The following APPL2 variants were observed in gnomAD, a reference collection of about 807,000 sequenced individuals.
The protein encoded by APPL2 is adaptor protein, phosphotyrosine interacting with PH domain and leucine zipper 2.
In APPL2, 84 loss-of-function variants were observed where a neutral mutation model predicts 92.7. The observed-to-expected ratio is 0.91, with a 90% CI of 0.76 to 1.09. The LOEUF is 1.09. Ranked by LOEUF, APPL2 falls within the 50% of genes least tolerant of loss-of-function variation. The pLI, the probability that APPL2 is intolerant of heterozygous loss-of-function variation, is 0.00. For missense variants in APPL2, 736 were observed against 824.5 expected, an observed-to-expected ratio of 0.89 and a Z score of 1.31; for synonymous variants, 291 against 291.0, an observed-to-expected ratio of 1.00 and a Z score of 0.00.
Position 105,189,844 on chromosome 12 carries a change from T to G in APPL2, c.1407-20A>C. On this transcript the variant is annotated intron_variant, in intron 15 of 20. Coordinates refer to ENST00000258530, the MANE Select transcript of APPL2 (RefSeq NM_018171.5). ...GTACGCCTAGGGGAATAGCCAGAGT[T>G]GAACAAACACGACAGCTGCAGCTAG... The G allele has an allele frequency of 6.2e-7, 1 of 1,614,088 alleles. No homozygotes were observed. The highest frequency in any genetic ancestry group is 8.5e-7 in the Non-Finnish European group (1 of 1,179,974).
At chr12:105,183,771 T>G (rs754720998) in intron 17 of APPL2, among the ~76,000 whole-genome samples, 2 of 152,182 alleles carry the variant, frequency 1.3e-5, no homozygotes, top group Non-Finnish European at 2.9e-5. Context: ...CTTTGTGGTG[T>G]TCTCTGTATT....
chr12:105,213,460 C>T (rs1052771947), intron 4 of APPL2, among the ~76,000 whole-genome samples: 1 of 152,214 alleles, frequency 6.6e-6, no homozygotes, highest in Non-Finnish European at 1.5e-5. Flanking sequence ...GAACAGGACA[C>T]ACTCAGAGCA....
At position 105,186,699 on chromosome 12, in the gene APPL2, CAT is replaced by C. The variant is rs145976697; in HGVS notation, c.1634+1572_1634+1573del. On this transcript the variant is annotated intron_variant, in intron 17 of 20. Coordinates refer to ENST00000258530, the MANE Select transcript of APPL2 (RefSeq NM_018171.5). ...GATATATCATATATATATCATATAT[CAT>C]ATCATATATCATATCATATATATAT... Among the ~76,000 whole-genome samples the C allele has an allele frequency of 1.6e-4, 22 of 134,572 alleles. No individual in the cohort carries two copies. The South Asian group carries it at 2.6e-3, about 16-fold the overall frequency. 88.3% of individuals were successfully genotyped at this position (134,572 alleles called of 152,430 possible).
At chr12:105,197,688 G>T in intron 11 of APPL2, 77 bp downstream of exon 11, 1 of 1,555,002 alleles carries the variant, frequency 6.4e-7, no homozygotes, top group Non-Finnish European at 8.8e-7. Flanking sequence ...TGGCACATAG[G>T]AATGAACTAG....
In APPL2 at chr12:105,195,601, C is replaced by T; in HGVS notation, c.1079G>A (p.Arg360Lys). The change falls in exon 12 of 21, where the codon AGA becomes AAA. Residue 360 changes from arginine to lysine, a missense_variant. Arg to Lys is a conservative substitution (Grantham distance 26). Transcript: ENST00000258530. ...AATTTTTACCTCTTCATTTTCCTTT[C>T]TGCTCTCAGCCTGGAGGATTATTCC... ...KSGIILQAES[R>K]KENEEWICAI... 6.2e-7 allele frequency: 1 copy of T among 1,614,244 alleles called. No homozygotes were observed. The highest frequency in any genetic ancestry group is 8.5e-7 in the Non-Finnish European group (1 of 1,180,040).
intron 17 of APPL2, among the ~76,000 whole-genome samples, chr12:105,187,878 A>C (rs751561523): frequency 3.3e-5 from 5 of 152,166 alleles, no homozygotes; most frequent in Non-Finnish European, 7.3e-5. Flanking sequence ...CATGTAGTTA[A>C]TATGGCCTGC....
chr12:105,187,482 A>AT (rs1016307758), intron 17 of APPL2, among the ~76,000 whole-genome samples: 6 of 152,248 alleles, frequency 3.9e-5, no homozygotes, highest in African/African-American at 1.4e-4. Flanking sequence ...TTAAGGTCAC[A>AT]TAACTAAGAA....
At chr12:105,179,312 G>A (rs1247613868) in intron 17 of APPL2, among the ~76,000 whole-genome samples, 1 of 152,182 alleles carries the variant, frequency 6.6e-6, no homozygotes, top group African/African-American at 2.4e-5. Context: ...CAAAGGACAT[G>A]AAGTCATTCT....
chr12:105,183,344 C>G (rs1370846901), intron 17 of APPL2, among the ~76,000 whole-genome samples: 1 of 152,156 alleles, frequency 6.6e-6, no homozygotes, highest in African/African-American at 2.4e-5. Flanking sequence ...GCAGTTTCTT[C>G]ACAGTGCTGA....
chr12:105,174,190 T>C lies in APPL2; in HGVS notation c.*124A>G, dbSNP rs894817268. The C allele has an allele frequency of 8.1e-7, 1 of 1,235,184 alleles. No individual in the cohort carries two copies. The highest frequency in any genetic ancestry group is 1.5e-5 in the African/African-American group (1 of 65,084). The allele number at this position is 1,235,184 out of a possible 1,614,324, so 76.5% of individuals were successfully genotyped here. A position where few individuals can be genotyped will look rare whatever the true frequency, so the allele number is the denominator to read the frequency against. ...AGTCTCAGTATCAAGGCATCAAGAT[T>C]ACATTCCACAAACGATTGTCAGCCT... is the stretch of plus-strand genomic sequence containing the variant. On this transcript the variant is annotated 3_prime_UTR_variant, in exon 21 of 21. Transcript: ENST00000258530.
intron 9 of APPL2, among the ~76,000 whole-genome samples, chr12:105,200,831 C>CGTAT (rs67064501): frequency 0.064 from 9,258 of 144,102 alleles, 330 homozygotes; most frequent in Middle Eastern, 0.11. Context: ...CCACTCTCTA[C>CGTAT]GTATGTATGT....
intron 20 of APPL2, 33 bp downstream of exon 20, chr12:105,176,002 T>A (rs1388188828): frequency 1.3e-6 from 2 of 1,535,522 alleles, no homozygotes; most frequent in East Asian, 2.4e-5. Flanking sequence ...GTGTTTTGAG[T>A]AGCTACTAAA....
intron 20 of APPL2, among the ~76,000 whole-genome samples, chr12:105,174,765 A>G (rs1885334816): frequency 6.6e-6 from 1 of 152,000 alleles, no homozygotes. Flanking sequence ...CGTTTAATCT[A>G]TACCAGAAGT....
intron 19 of APPL2, 72 bp downstream of exon 19, chr12:105,176,804 A>G: frequency 6.5e-7 from 1 of 1,545,194 alleles, no homozygotes; most frequent in Non-Finnish European, 8.8e-7. Flanking sequence ...CAAGGAAGTA[A>G]TGCCAGAAAA....
intron 17 of APPL2, among the ~76,000 whole-genome samples, chr12:105,185,722 T>C (rs979599605): frequency 3.9e-5 from 6 of 152,122 alleles, no homozygotes; most frequent in South Asian, 2.1e-4. Context: ...AATTTTTCTT[T>C]TTAAATCTTC....
chr12:105,174,339 T>A lies in APPL2; in HGVS notation c.1970A>T (p.His657Leu). The change falls in exon 21 of 21, where the codon CAT (histidine) becomes CTT (leucine). Residue 657 changes from histidine to leucine, a missense_variant. Coordinates refer to ENST00000258530, the MANE Select transcript of APPL2 (RefSeq NM_018171.5). The stretch of plus-strand genomic sequence containing the variant: ...TTATGCTTCGGATTCTGCGCCTCTA[T>A]GTTCGTTTGGATTTCCATCATCGTC... ...PDDDDGNPNEHRGAESEA is the reference protein window; with the variant it reads ...PDDDDGNPNELRGAESEA The A allele has an allele frequency of 1.2e-6, 2 of 1,613,996 alleles. No individual in the cohort carries two copies. The highest frequency in any genetic ancestry group is 1.7e-6 in the Non-Finnish European group (2 of 1,179,942).
At position 105,235,985 on chromosome 12, in the gene APPL2, C is replaced by T. The variant is rs1891203874; in HGVS notation, c.28G>A (p.Glu10Lys). 1.6e-6 allele frequency: 2 copies of T among 1,252,734 alleles called. No individual in the cohort carries two copies. The highest frequency in any genetic ancestry group is 2.0e-6 in the Non-Finnish European group (2 of 990,472). The allele number at this position is 1,252,734 out of a possible 1,614,324, so 77.6% of individuals were successfully genotyped here. A position where few individuals can be genotyped will look rare whatever the true frequency, so the allele number is the denominator to read the frequency against. MPAVDKLLL[E>K]EALQDSPQTR... is the part of the protein sequence containing the mutation. The stretch of plus-strand genomic sequence containing the variant: ...TGGGGGCTGTCCTGCAACGCCTCCT[C>T]TAGCAGGAGCTTGTCCACGGCGGGC... Residue 10 changes from glutamate (E) to lysine (K), a missense_variant, in exon 1 of 21, where the codon GAG (glutamate) becomes AAG (lysine). Transcript: ENST00000258530.
chr12:105,190,189 AC>A, intron 14 of APPL2, 34 bp from the exon 15 acceptor site: 1 of 1,587,692 alleles, frequency 6.3e-7, no homozygotes, highest in Non-Finnish European at 8.6e-7. Flanking sequence ...CCTTAACCTT[AC>A]GCTTTTATAA....
chr12:105,224,981 T>C (rs1186489699), intron 2 of APPL2, among the ~76,000 whole-genome samples: 1 of 152,206 alleles, frequency 6.6e-6, no homozygotes, highest in Non-Finnish European at 1.5e-5. Flanking sequence ...TTCGGGCTTC[T>C]AGGATCAGGA....
Sources: gnomAD v4.1 joint callset for allele counts (sites outside exome capture counted in the v4.1 genomes callset) on GRCh38, gnomAD v4.1.1 for gene constraint, MANE v1.5 for transcripts, NCBI Gene and HGNC (gene_info 2026-07-23, HGNC 2026-07-21) for gene names.